Variants in ARHGAP44 observed in about 807,000 individuals in gnomAD.
ARHGAP44 encodes Rho GTPase activating protein 44.
ARHGAP44 carries 43 observed loss-of-function variants against 106.8 expected under a neutral mutation model. The ratio of observed to expected loss-of-function variants is 0.40; its 90% CI spans 0.32 to 0.52. ARHGAP44 has a LOEUF of 0.52. Ranked by LOEUF, ARHGAP44 falls within the 20% of genes least tolerant of loss-of-function variation. The pLI is 0.48. For synonymous variants in ARHGAP44, 439 were observed against 410.3 expected (o/e 1.07, Z -0.85); for missense variants, 866 against 1,050.5 (o/e 0.82, Z 2.43).
chr17:12,976,387 C>T (rs542165564), intron 18 of ARHGAP44, among the ~76,000 whole-genome samples: 7 of 151,774 alleles, frequency 4.6e-5, no homozygotes, highest in Non-Finnish European at 7.4e-5. Context: ...CTGAGGCGGG[C>T]GGATCACCTG....
At chr17:12,921,613 A>G (rs1355939361) in intron 6 of ARHGAP44, among the ~76,000 whole-genome samples, 2 of 152,084 alleles carry the variant, frequency 1.3e-5, no homozygotes, top group African/African-American at 2.4e-5. Flanking sequence ...GCTTGTTTTC[A>G]TTTTCTTGAA....
chr17:12,863,668 A>G (rs960881467), intron 1 of ARHGAP44, among the ~76,000 whole-genome samples: 1 of 152,152 alleles, frequency 6.6e-6, no homozygotes, highest in African/African-American at 2.4e-5. Flanking sequence ...TTCTAGGGAG[A>G]AGCTGGTCTG....
intron 20 of ARHGAP44, chr17:12,985,734 C>T (rs1417953378): frequency 6.6e-6 from 1 of 152,216 alleles, no homozygotes; most frequent in Admixed American, 6.5e-5. Flanking sequence ...TTTCCTTGTT[C>T]AGGGAGACAG....
chr17:12,831,855 A>G (rs55642187), intron 1 of ARHGAP44, among the ~76,000 whole-genome samples: 17,282 of 152,236 alleles, frequency 0.11, 1,897 homozygotes, highest in African/African-American at 0.28. Flanking sequence ...TCAGGCAAGC[A>G]TGTTAACAGG....
intron 3 of ARHGAP44, among the ~76,000 whole-genome samples, chr17:12,901,493 C>T (rs560832144): frequency 1.3e-5 from 2 of 152,170 alleles, no homozygotes; most frequent in South Asian, 4.2e-4. Context: ...GAGATGGGAA[C>T]AATTTCAGTG....
chr17:12,899,953 G>T (rs969736503), intron 3 of ARHGAP44, among the ~76,000 whole-genome samples: 1 of 152,160 alleles, frequency 6.6e-6, no homozygotes, highest in African/African-American at 2.4e-5. Context: ...TGCCCTGAAA[G>T]CTGTGGCTGC....
chr17:12,842,455 G>GAA (rs11451717), intron 1 of ARHGAP44, among the ~76,000 whole-genome samples: 1 of 146,340 alleles, frequency 6.8e-6, no homozygotes, highest in Non-Finnish European at 1.5e-5. Flanking sequence ...GAAAAGAAAA[G>GAA]AAAAAAATCA....
intron 3 of ARHGAP44, among the ~76,000 whole-genome samples, chr17:12,905,130 T>G (rs1598030447): frequency 6.6e-6 from 1 of 150,928 alleles, no homozygotes; most frequent in African/African-American, 2.4e-5. Flanking sequence ...GCCAGGCTGG[T>G]CTCAAACTCC....
intron 1 of ARHGAP44, among the ~76,000 whole-genome samples, chr17:12,823,350 C>T (rs1254247071): frequency 2.0e-5 from 3 of 152,146 alleles, no homozygotes; most frequent in African/African-American, 4.8e-5. Flanking sequence ...TCTTCATTCT[C>T]CAGAACGATA....
rs1598179287 is a variant in ARHGAP44 at position 12,991,076 on chromosome 17, A to C, written c.*905A>C. 1 of 152,790 alleles carries C rather than the reference A, an allele frequency of 6.5e-6. No homozygotes were observed. The highest frequency in any genetic ancestry group is 1.9e-4 in the East Asian group (1 of 5,164). The allele number at this position is 152,790 out of a possible 1,614,324, so 9.5% of individuals were successfully genotyped here. The stretch of plus-strand genomic sequence containing the variant: ...ACCCAAAGCATGTGGAGGAAAAGTG[A>C]AACCAGCCACGGAGACGCTGGCCCA... On this transcript the variant is annotated 3_prime_UTR_variant, in exon 21 of 21. Coordinates refer to ENST00000379672, the MANE Select transcript of ARHGAP44 (RefSeq NM_014859.6).
intron 1 of ARHGAP44, among the ~76,000 whole-genome samples, chr17:12,834,067 T>A (rs541230837): frequency 5.9e-5 from 9 of 152,208 alleles, no homozygotes; most frequent in African/African-American, 1.9e-4. Context: ...GATTTAGTTT[T>A]CCAGGTTAAG....
In ARHGAP44 at chr17:12,944,548, C is replaced by T. The variant is rs147544140; in HGVS notation, c.861+352C>T. 2.7e-4 allele frequency among the ~76,000 whole-genome samples: 41 copies of T among 151,518 alleles called. 1 individual carries two copies. The highest frequency in any genetic ancestry group is 1.6e-3 in the East Asian group (8 of 5,114). ...GGCACAAGGCTGGAGTGCAGTGGCG[C>T]GATCTTGGTTCACTGCAACCTCTGC... On this transcript the variant is annotated intron_variant, in intron 10 of 20. Transcript: ENST00000379672.
intron 20 of ARHGAP44, 125 bp downstream of exon 20, chr17:12,985,033 AC>A: frequency 7.9e-7 from 1 of 1,260,410 alleles, no homozygotes; most frequent in Non-Finnish European, 1.1e-6. Context: ...CTGGGCTGGC[AC>A]CAGGGGTAGC....
chr17:12,962,587 T>C (rs1336598333), intron 16 of ARHGAP44, among the ~76,000 whole-genome samples: 1 of 151,998 alleles, frequency 6.6e-6, no homozygotes, highest in Non-Finnish European at 1.5e-5. Flanking sequence ...CAGAGAGAGA[T>C]TTTACTACAC....
rs1264757274 is a variant in ARHGAP44 at position 12,926,475 on chromosome 17, A to AC, written c.465-2454_465-2453insC. Among the ~76,000 whole-genome samples, 308 of 130,082 alleles carry AC rather than the reference A, an allele frequency of 2.4e-3. 7 individuals carry two copies. In the East Asian group the frequency reaches 0.044, roughly 18 times the overall value. 85.3% of individuals were successfully genotyped at this position (130,082 alleles called of 152,430 possible). On this transcript the variant is annotated intron_variant, in intron 6 of 20. Transcript: ENST00000379672. ...ATATATATACATATATAATATATAT[A>AC]ATATATATGTATGTATAATATATGT...
At chr17:12,946,637 A>T (rs987690769) in intron 10 of ARHGAP44, among the ~76,000 whole-genome samples, 1 of 152,002 alleles carries the variant, frequency 6.6e-6, no homozygotes, top group African/African-American at 2.4e-5. Flanking sequence ...CGTCTCTACT[A>T]AAAATACAAA....
rs1344520288 is a variant in ARHGAP44 at position 12,944,163 on chromosome 17, G to A, written c.828G>A (p.Val276=). The A allele has an allele frequency of 6.2e-7, 1 of 1,611,842 alleles. No homozygotes were observed. The highest frequency in any genetic ancestry group is 1.3e-5 in the African/African-American group (1 of 74,912). Residue 276 remains valine (V), a synonymous_variant, in exon 10 of 21, where the codon GTG becomes GTA. Coordinates refer to ENST00000379672, the MANE Select transcript of ARHGAP44 (RefSeq NM_014859.6). ...TCGCCTTCCCCATCGAGGCGTGTGT[G>A]ACCATGCTGCTTGAGTGTGGGATGC... is the stretch of plus-strand genomic sequence containing the variant. ...REIAFPIEAC[V]TMLLECGMQE... is the part of the protein sequence containing the mutation.
intron 1 of ARHGAP44, among the ~76,000 whole-genome samples, chr17:12,854,849 T>A (rs945823429): frequency 2.6e-5 from 4 of 151,380 alleles, no homozygotes; most frequent in Non-Finnish European, 5.9e-5. Context: ...TCTCAGCTAC[T>A]TGGGAGGCCG....
chr17:12,829,021 G>T (rs1452659627), intron 1 of ARHGAP44, among the ~76,000 whole-genome samples: 1 of 151,946 alleles, frequency 6.6e-6, no homozygotes, highest in Non-Finnish European at 1.5e-5. Flanking sequence ...TCCTTATATG[G>T]CTTAGGAATC....
Sources: gnomAD v4.1 joint callset for allele counts (sites outside exome capture counted in the v4.1 genomes callset) on GRCh38, gnomAD v4.1.1 for gene constraint, MANE v1.5 for transcripts, NCBI Gene and HGNC (gene_info 2026-07-23, HGNC 2026-07-21) for gene names.